Variants in CACNA1C observed in about 807,000 individuals in gnomAD.
CACNA1C encodes voltage-dependent L-type calcium channel subunit alpha-1C.
Under a neutral mutation model 229.0 loss-of-function variants are expected in CACNA1C, and 30 were observed. The ratio of observed to expected loss-of-function variants is 0.13; its 90% confidence interval spans 0.10 to 0.18. The LOEUF (loss-of-function observed/expected upper bound fraction) is 0.18. CACNA1C is among the 10% of genes least tolerant of loss of function. The pLI is 1.00. For missense variants in CACNA1C, 1,658 were observed against 2,845.0 expected (o/e 0.58, Z 9.49); for synonymous variants, 1,114 against 1,132.5 (o/e 0.98, Z 0.33).
chr12:2,484,126 A>G (rs113725228), intron 5 of CACNA1C, among the ~76,000 whole-genome samples: 1 of 152,242 alleles, frequency 6.6e-6, no homozygotes, highest in Non-Finnish European at 1.5e-5. Context: ...GTTAAGGAAC[A>G]TAACATTTCA....
At position 2,679,641 on chromosome 12, in the gene CACNA1C, C is replaced by T; in HGVS notation, c.5289C>T (p.Ser1763=). ...FTPSSYSSTG[S]NANINNANNT... Reference sequence around the variant, plus strand: ...CGAGCAGCTACTCGTCCACCGGCTCCAACGCCAACATCAACAACGCCAACA... The same window carrying T: ...CGAGCAGCTACTCGTCCACCGGCTCTAACGCCAACATCAACAACGCCAACA... The change falls in exon 42 of 47, where the codon TCC becomes TCT. Residue 1763 remains serine (S), a synonymous_variant. Transcript: ENST00000399655. This position sits in a 1 kb window ranked among gnomAD's most constrained non-coding sequence, Gnocchi z 5.5. 6.2e-7 allele frequency: 1 copy of T among 1,613,918 alleles called. No individual in the cohort carries two copies. Among genetic ancestry groups the T allele is most frequent in the African/African-American group, 1.3e-5 (1 of 75,062 alleles).
At chr12:2,443,723 C>A (rs1226038739) in intron 3 of CACNA1C, among the ~76,000 whole-genome samples, 2 of 152,190 alleles carry the variant, frequency 1.3e-5, no homozygotes, top group East Asian at 3.9e-4. Flanking sequence ...TTCAAGGAAC[C>A]AGAGGCACGT....
chr12:2,510,076 C>T (rs2099780294), intron 8 of CACNA1C, among the ~76,000 whole-genome samples: 1 of 152,222 alleles, frequency 6.6e-6, no homozygotes, highest in Admixed American at 6.5e-5. Context: ...TGGCTCTCCA[C>T]ACCACCCCTC....
In CACNA1C at chr12:2,415,599, G is replaced by C. The variant is rs11836227; in HGVS notation, c.478-33377G>C. On this transcript the variant is annotated intron_variant, in intron 3 of 46. Coordinates refer to ENST00000399655, the MANE Select transcript of CACNA1C (RefSeq NM_000719.7). ...AATGAAAACAGTGACACACTCTGTG[G>C]CTGCCGCTCTCCTCTGAGTTGGTCA... 3.2e-3 allele frequency among the ~76,000 whole-genome samples: 493 copies of C among 152,268 alleles called. 6 individuals are homozygous for C. Among genetic ancestry groups the C allele is most frequent in the African/African-American group, 0.011 (475 of 41,546 alleles).
rs146955686 is a variant in CACNA1C at position 2,655,541 on chromosome 12, G to A, written c.4232+303G>A. Among the ~76,000 whole-genome samples the A allele has an allele frequency of 8.5e-5, 13 of 152,342 alleles. No homozygotes were observed. In the East Asian group the frequency reaches 1.5e-3, roughly 18 times the overall value. Reference sequence around the variant, plus strand: ...TGAACAGGCCCAAAGCCAACCTGCCGACACGCTTTGTGACCTTGAGTGAGA... The same window carrying A: ...TGAACAGGCCCAAAGCCAACCTGCCAACACGCTTTGTGACCTTGAGTGAGA... On this transcript the variant is annotated intron_variant, in intron 34 of 46. Coordinates refer to ENST00000399655, the MANE Select transcript of CACNA1C (RefSeq NM_000719.7).
rs538868596 is a variant in CACNA1C, at chr12:2,565,284, A to C, written c.1509-1138A>C. Among the ~76,000 whole-genome samples, 171 of 151,634 alleles carry C rather than the reference A, an allele frequency of 1.1e-3. 1 individual carries two copies. The highest frequency in any genetic ancestry group is 5.9e-3 in the East Asian group (30 of 5,120). On this transcript the variant is annotated intron_variant, in intron 11 of 46. Coordinates refer to ENST00000399655, the MANE Select transcript of CACNA1C (RefSeq NM_000719.7). Reference sequence around the variant, plus strand: ...GAGATCGAGACCATCCTGGCTAACAAGGTGAAACCCGTCTCTACTAAAAAT... The same window carrying C: ...GAGATCGAGACCATCCTGGCTAACACGGTGAAACCCGTCTCTACTAAAAAT...
chr12:2,206,555 G>A (rs758049960), intron 3 of CACNA1C, among the ~76,000 whole-genome samples: 4 of 152,212 alleles, frequency 2.6e-5, no homozygotes, highest in Non-Finnish European at 5.9e-5. Context: ...TCTTTGAGTT[G>A]TCATGAATAT....
At chr12:2,436,474 C>A (rs2099135867) in intron 3 of CACNA1C, among the ~76,000 whole-genome samples, 1 of 152,196 alleles carries the variant, frequency 6.6e-6, no homozygotes, top group Admixed American at 6.5e-5. Context: ...TAACAAGAGG[C>A]TAAGCACAGA....
At position 2,067,227 on chromosome 12, in the gene CACNA1C, C is replaced by T. The variant is rs967597953; in HGVS notation, c.49+13616C>T. Among the ~76,000 whole-genome samples, 4 of 152,164 alleles carry T rather than the reference C, an allele frequency of 2.6e-5. No homozygotes were observed. The highest frequency in any genetic ancestry group is 4.4e-5 in the Non-Finnish European group (3 of 67,986). On this transcript the variant is annotated intron_variant, in intron 1 of 46. Coordinates refer to ENST00000399655, the MANE Select transcript of CACNA1C (RefSeq NM_000719.7). This position sits in a 1 kb window ranked among gnomAD's most constrained non-coding sequence, Gnocchi z 5.3. ...GTGGGATGCAGGAGCCAGGATGCATCGTTTTAGTGGGAGTCAGGGAGTCTG... is the reference window on the plus strand; with the variant it reads ...GTGGGATGCAGGAGCCAGGATGCATTGTTTTAGTGGGAGTCAGGGAGTCTG...
chr12:1,984,684 C>T (rs117595851), intron 1 of CACNA1C, among the ~76,000 whole-genome samples: 4,117 of 150,036 alleles, frequency 0.027, 95 homozygotes, highest in Middle Eastern at 0.055. Context: ...TCTGTTGTTC[C>T]TACTTCATCC....
At chr12:2,626,545 A>C (rs552768057) in intron 29 of CACNA1C, among the ~76,000 whole-genome samples, 2 of 152,196 alleles carry the variant, frequency 1.3e-5, no homozygotes, top group South Asian at 4.2e-4. Context: ...TGTTCATTTG[A>C]GCTTAAAGTT....
chr12:2,383,482 G>C (rs2098304298), intron 3 of CACNA1C, among the ~76,000 whole-genome samples: 1 of 152,052 alleles, frequency 6.6e-6, no homozygotes, highest in South Asian at 2.1e-4. Context: ...TTGAGCGAGG[G>C]GTCAGCTTCA....
Position 2,504,396 on chromosome 12 carries a change from A to G in CACNA1C, c.1114-446A>G, listed in dbSNP as rs1204734211. 4.9e-6 allele frequency: 6 copies of G among 1,222,330 alleles called. No homozygotes were observed. The highest frequency in any genetic ancestry group is 3.6e-5 in the South Asian group (3 of 82,892). 75.7% of individuals were successfully genotyped at this position (1,222,330 alleles called of 1,614,324 possible). ...CTGCCTGCCTCTTTGCTGTAACCCA[A>G]TTCTGCTTCTTCTTTCCTAACTTTC... On this transcript the variant is annotated intron_variant, in intron 7 of 46. Coordinates refer to ENST00000399655, the MANE Select transcript of CACNA1C (RefSeq NM_000719.7). This position sits in a 1 kb window ranked among gnomAD's most constrained non-coding sequence, Gnocchi z 6.8.
intron 4 of CACNA1C, among the ~76,000 whole-genome samples, chr12:2,451,609 C>T (rs2099371989): frequency 6.6e-6 from 1 of 152,176 alleles, no homozygotes; most frequent in South Asian, 2.1e-4. Context: ...CCTGGGTTGA[C>T]AGGGAGGCAG....
intron 1 of CACNA1C, among the ~76,000 whole-genome samples, chr12:2,073,735 G>A (rs2062161367): frequency 6.6e-6 from 1 of 152,208 alleles, no homozygotes; most frequent in African/African-American, 2.4e-5. Flanking sequence ...TCCTTTCCAA[G>A]AATTTCAGGC....
intron 5 of CACNA1C, among the ~76,000 whole-genome samples, chr12:2,476,185 A>G (rs1257915738): frequency 6.6e-6 from 1 of 152,248 alleles, no homozygotes; most frequent in Non-Finnish European, 1.5e-5. Flanking sequence ...TAGAGCTGTC[A>G]TGAGAGATGC....
At chr12:2,448,465 T>C (rs954987570) in intron 3 of CACNA1C, among the ~76,000 whole-genome samples, 1 of 152,202 alleles carries the variant, frequency 6.6e-6, no homozygotes, top group Non-Finnish European at 1.5e-5. Context: ...CTCCATTTCT[T>C]TGTGGCTGCA....
intron 1 of CACNA1C, among the ~76,000 whole-genome samples, chr12:2,113,123 G>A (rs2082399742): frequency 6.6e-6 from 1 of 152,206 alleles, no homozygotes; most frequent in African/African-American, 2.4e-5. Flanking sequence ...AGCCCCAAGA[G>A]GCCACACCTG....
intron 29 of CACNA1C, among the ~76,000 whole-genome samples, chr12:2,622,725 G>A (rs2083978353): frequency 6.6e-6 from 1 of 152,214 alleles, no homozygotes; most frequent in Non-Finnish European, 1.5e-5. Context: ...GCTAGGGACA[G>A]GCGTTCTCAT....
Sources: gnomAD v4.1 joint callset for allele counts (sites outside exome capture counted in the v4.1 genomes callset) on GRCh38, gnomAD v4.1.1 for gene constraint, Gnocchi (gnomAD v3.1) non-coding constraint, MANE v1.5 for transcripts, NCBI Gene and HGNC (gene_info 2026-07-23, HGNC 2026-07-21) for gene names.